TECPR1: variants seen among roughly 807,000 people sequenced by gnomAD.
TECPR1 encodes the protein tectonin beta-propeller repeat-containing protein 1.
A neutral mutation model predicts 162.4 loss-of-function variants in TECPR1; 122 were observed. That is an observed-to-expected ratio of 0.75 (90% CI 0.65 to 0.87). TECPR1 has a LOEUF of 0.87. Ranked by LOEUF, TECPR1 falls within the 40% of genes least tolerant of loss-of-function variation. The probability of loss-of-function intolerance (pLI) is 0.00; values close to 1 mark genes in which losing one functional copy is unlikely to be tolerated. For synonymous variants in TECPR1, 642 were observed against 670.6 expected, an observed-to-expected ratio of 0.96 and a Z score of 0.66; for missense variants, 1,432 against 1,618.2, an observed-to-expected ratio of 0.88 and a Z score of 1.97.
rs1798477191 is a variant in TECPR1, at chr7:98,232,766, G to A, written c.1818+61C>T. ...CTCTCAGAGCTGGTACACAGCAGGCGCTCAATGAATGATTGCTGGAAAAAA... is the reference window on the plus strand; with the variant it reads ...CTCTCAGAGCTGGTACACAGCAGGCACTCAATGAATGATTGCTGGAAAAAA... On this transcript the variant is annotated intron_variant, in intron 12 of 25. Transcript: ENST00000447648. The surrounding 1 kb of genome is among the most constrained non-coding windows in gnomAD (Gnocchi z 4.6). 11 of 1,480,346 alleles carry A rather than the reference G, an allele frequency of 7.4e-6. No individual in the cohort carries two copies. The highest frequency in any genetic ancestry group is 4.2e-5 in the African/African-American group (3 of 70,822). 91.7% of individuals were successfully genotyped at this position (1,480,346 alleles called of 1,614,324 possible).
At chr7:98,236,953 T>A in intron 9 of TECPR1, 32 bp from the exon 10 acceptor site, 1 of 1,502,164 alleles carries the variant, frequency 6.7e-7, no homozygotes, top group South Asian at 1.3e-5. Flanking sequence ...CCGAGGAATC[T>A]GGGCGCAGGC....
intron 10 of TECPR1, among the ~76,000 whole-genome samples, chr7:98,235,481 C>T (rs1277967068): frequency 6.8e-5 from 10 of 146,368 alleles, no homozygotes; most frequent in East Asian, 4.1e-4. Flanking sequence ...GCCAAGATCG[C>T]GCCGTGGCAC....
At chr7:98,230,401 G>A (rs1386687646) in intron 15 of TECPR1, among the ~76,000 whole-genome samples, 1 of 151,520 alleles carries the variant, frequency 6.6e-6, no homozygotes, top group African/African-American at 2.4e-5. Flanking sequence ...GCTACCCCAC[G>A]TCCCCCAGGT....
Position 98,227,886 on chromosome 7 carries a change from G to C in TECPR1, c.2513+128C>G, listed in dbSNP as rs529604494. 5.1e-5 allele frequency: 29 copies of C among 573,610 alleles called. No individual in the cohort carries two copies. The African/African-American group carries it at 5.4e-4, about 11-fold the overall frequency. The allele number at this position is 573,610 out of a possible 1,614,324, so 35.5% of individuals were successfully genotyped here. A position where few individuals can be genotyped will look rare whatever the true frequency, so the allele number is the denominator to read the frequency against. The stretch of plus-strand genomic sequence containing the variant: ...CTCAGTGAGCGGTAAGATCCGGTTA[G>C]TTTCCTGCTGGCGGCCTGACACCAG... On this transcript the variant is annotated intron_variant, in intron 17 of 25. Transcript: ENST00000447648.
chr7:98,246,139 T>C lies in TECPR1; in HGVS notation c.8A>G (p.Asn3Ser), dbSNP rs752384848. The stretch of plus-strand genomic sequence containing the variant: ...GAGGTCCACCGCCCACAGCACTGAG[T>C]TGGGCATGGCAGCGGCTGGAGGTAA... MPNSVLWAVDLFG... is the reference protein window; with the variant it reads MPSSVLWAVDLFG... The change falls in exon 3 of 26, where the codon AAC becomes AGC. Residue 3 changes from asparagine (N) to serine (S), a missense_variant. Coordinates refer to ENST00000447648, the MANE Select transcript of TECPR1 (RefSeq NM_015395.3). 4.5e-6 allele frequency: 7 copies of C among 1,544,280 alleles called. No individual in the cohort carries two copies. The highest frequency in any genetic ancestry group is 6.1e-6 in the Non-Finnish European group (7 of 1,142,762).
chr7:98,247,430 C>G (rs62479835), intron 2 of TECPR1, among the ~76,000 whole-genome samples: 11,682 of 152,106 alleles, frequency 0.077, 662 homozygotes, highest in Non-Finnish European at 0.12. Context: ...CTTGAGCCAC[C>G]ATGCCTGGCC....
At position 98,241,598 on chromosome 7, in the gene TECPR1, C is replaced by G. The variant is rs900490815; in HGVS notation, c.658-354G>C. On this transcript the variant is annotated intron_variant, in intron 6 of 25. Transcript: ENST00000447648. The surrounding 1 kb of genome is among the most constrained non-coding windows in gnomAD (Gnocchi z 5.0). ...AGGACACCCGGCTCCAGGGGAGGCTCCAACTCCCATTCATAAACTATCTAA... is the reference window on the plus strand; with the variant it reads ...AGGACACCCGGCTCCAGGGGAGGCTGCAACTCCCATTCATAAACTATCTAA... 6.6e-6 allele frequency among the ~76,000 whole-genome samples: 1 copy of G among 152,340 alleles called. No homozygotes were observed. Among genetic ancestry groups the G allele is most frequent in the Middle Eastern group, 3.4e-3 (1 of 294 alleles).
At chr7:98,228,898 T>C in intron 16 of TECPR1, 141 bp downstream of exon 16, 1 of 1,223,822 alleles carries the variant, frequency 8.2e-7, no homozygotes, top group Non-Finnish European at 1.1e-6. Context: ...AGGCTGGCAG[T>C]GGTGAAGGTC....
intron 19 of TECPR1, among the ~76,000 whole-genome samples, chr7:98,224,323 C>T (rs1798220847): frequency 6.6e-6 from 1 of 152,216 alleles, no homozygotes; most frequent in African/African-American, 2.4e-5. Flanking sequence ...TCGTGACAGC[C>T]ACTGCATCTC....
chr7:98,247,472 C>G (rs1371821687), intron 2 of TECPR1, among the ~76,000 whole-genome samples: 1 of 152,080 alleles, frequency 6.6e-6, no homozygotes, highest in African/African-American at 2.4e-5. Flanking sequence ...TCAATGAAAG[C>G]TTACAGGTTT....
chr7:98,247,685 C>T (rs893490863), intron 2 of TECPR1, among the ~76,000 whole-genome samples: 1 of 152,050 alleles, frequency 6.6e-6, no homozygotes, highest in African/African-American at 2.4e-5. Flanking sequence ...CCCCGGCTCT[C>T]TTCTTCTGCC....
At chr7:98,218,411 G>A (rs757981237) in intron 23 of TECPR1, among the ~76,000 whole-genome samples, 5 of 152,086 alleles carry the variant, frequency 3.3e-5, no homozygotes, top group African/African-American at 7.2e-5. Context: ...CATCCAAATC[G>A]AAAAAGAGGA....
chr7:98,222,354 C>T, intron 22 of TECPR1, 32 bp downstream of exon 22: 1 of 1,597,752 alleles, frequency 6.3e-7, no homozygotes, highest in South Asian at 1.1e-5. Flanking sequence ...GGAAGGTGAA[C>T]ACTGCAGGGG....
intron 23 of TECPR1, among the ~76,000 whole-genome samples, 176 bp downstream of exon 23, chr7:98,221,485 T>TTG (rs200492461): frequency 5.0e-4 from 45 of 90,306 alleles, no homozygotes; most frequent in Admixed American, 1.3e-3. Context: ...AATTAAAGTT[T>TTG]TTTTTTTTTT....
At position 98,245,002 on chromosome 7, in the gene TECPR1, G is replaced by A. The variant is rs1249615708; in HGVS notation, c.291C>T (p.Asp97=). 20 of 1,610,742 alleles carry A rather than the reference G, an allele frequency of 1.2e-5. No individual in the cohort carries two copies. The highest frequency in any genetic ancestry group is 7.7e-5 in the South Asian group (7 of 90,698). Residue 97 remains aspartate, a synonymous_variant, in exon 4 of 26, where the codon GAC becomes GAT. Coordinates refer to ENST00000447648, the MANE Select transcript of TECPR1 (RefSeq NM_015395.3). ...LLLSDRWGWS[D]VSGLQHRPLD... is the part of the protein sequence containing the mutation. ...GCGGCCGGTGCTGGAGCCCACTCAC[G>A]TCACTCCACCCCCAGCGGTCACTCA...
intron 2 of TECPR1, among the ~76,000 whole-genome samples, chr7:98,250,725 A>T (rs1562947656): frequency 6.6e-6 from 1 of 152,230 alleles, no homozygotes; most frequent in East Asian, 1.9e-4. Flanking sequence ...AGCTAGACTC[A>T]GTCTGCAGGT....
rs567846256 is a variant in TECPR1, at chr7:98,217,226, G to C, written c.*164C>G. ...CCGCGGAGCTTCACATTTCAGGGCC[G>C]TCTCAGCCAGTGCCTCTGAAGTGGC... On this transcript the variant is annotated 3_prime_UTR_variant, in exon 26 of 26. Transcript: ENST00000447648. 1 of 594,550 alleles carries C rather than the reference G, an allele frequency of 1.7e-6. No individual in the cohort carries two copies. The highest frequency in any genetic ancestry group is 3.0e-6 in the Non-Finnish European group (1 of 335,082). The allele number at this position is 594,550 out of a possible 1,614,324, so 36.8% of individuals were successfully genotyped here. A position where few individuals can be genotyped will look rare whatever the true frequency, so the allele number is the denominator to read the frequency against.
Position 98,231,335 on chromosome 7 carries a change from G to C in TECPR1, c.2013C>G (p.Val671=), listed in dbSNP as rs1401092330. ...HIFLNEVVAL[V]PVLNETKHSF... is the part of the protein sequence containing the mutation. ...AGTGCTTGGTCTCGTTCAGCACTGG[G>C]ACCAGCGCCACCACCTCATTCAGGA... The change falls in exon 14 of 26, where the codon GTC becomes GTG. Residue 671 remains valine, a synonymous_variant. Coordinates refer to ENST00000447648, the MANE Select transcript of TECPR1 (RefSeq NM_015395.3). The C allele has an allele frequency of 1.2e-6, 2 of 1,610,050 alleles. No homozygotes were observed. Among genetic ancestry groups the C allele is most frequent in the Non-Finnish European group, 1.7e-6 (2 of 1,178,328 alleles).
chr7:98,245,851 G>T, intron 3 of TECPR1, 71 bp downstream of exon 3: 1 of 1,374,704 alleles, frequency 7.3e-7, no homozygotes, highest in Non-Finnish European at 1.0e-6. Flanking sequence ...TTTCCCTTCT[G>T]TGGTTCATCA....
Sources: gnomAD v4.1 joint callset for allele counts (sites outside exome capture counted in the v4.1 genomes callset) on GRCh38, gnomAD v4.1.1 for gene constraint, Gnocchi (gnomAD v3.1) non-coding constraint, MANE v1.5 for transcripts, NCBI Gene and HGNC (gene_info 2026-07-23, HGNC 2026-07-21) for gene names.